KIF6: variants seen among roughly 807,000 people sequenced by gnomAD.
The protein encoded by KIF6 is kinesin-like protein KIF6.
In KIF6, 106 loss-of-function variants were observed where a neutral mutation model predicts 112.7. That is an observed-to-expected ratio of 0.94 (90% CI 0.80 to 1.11). KIF6 has a LOEUF of 1.11. KIF6 is among the 50% of genes least tolerant of loss of function. The pLI is 0.00. For synonymous variants in KIF6, 339 were observed against 339.9 expected (o/e 1.00, Z 0.03); for missense variants, 929 against 964.0 (o/e 0.96, Z 0.48).
chr6:39,456,579 T>C (rs1773125607), intron 13 of KIF6, among the ~76,000 whole-genome samples: 1 of 120,690 alleles, frequency 8.3e-6, no homozygotes, highest in Admixed American at 9.0e-5. Flanking sequence ...GACTGGCAAG[T>C]TGGATAAAGA....
chr6:39,482,459 C>T (rs1164824576), intron 13 of KIF6, among the ~76,000 whole-genome samples: 2 of 152,164 alleles, frequency 1.3e-5, no homozygotes, highest in Non-Finnish European at 2.9e-5. Context: ...GAGAATGAGG[C>T]TGAACCTGAA....
intron 13 of KIF6, among the ~76,000 whole-genome samples, chr6:39,494,031 T>C (rs146196786): frequency 1.2e-3 from 189 of 152,358 alleles, no homozygotes; most frequent in South Asian, 2.7e-3. Flanking sequence ...CTTGATATTC[T>C]TGGAAAAAAG....
At chr6:39,519,582 T>G (rs1250492910) in intron 13 of KIF6, among the ~76,000 whole-genome samples, 1 of 152,114 alleles carries the variant, frequency 6.6e-6, no homozygotes, top group African/African-American at 2.4e-5. Flanking sequence ...TCCCTCCTGG[T>G]TCCAAAACCT....
At chr6:39,402,516 T>G (rs1768782015) in intron 15 of KIF6, among the ~76,000 whole-genome samples, 1 of 152,206 alleles carries the variant, frequency 6.6e-6, no homozygotes, top group Admixed American at 6.5e-5. Context: ...GAAAATCTCC[T>G]GAGGCACATT....
At chr6:39,377,216 T>C (rs1766511195) in intron 16 of KIF6, among the ~76,000 whole-genome samples, 1 of 152,200 alleles carries the variant, frequency 6.6e-6, no homozygotes, top group African/African-American at 2.4e-5. Context: ...ACCTGGCTAA[T>C]TTTTTAATCT....
intron 15 of KIF6, among the ~76,000 whole-genome samples, chr6:39,394,825 A>G (rs1768136416): frequency 6.6e-6 from 1 of 152,240 alleles, no homozygotes; most frequent in African/African-American, 2.4e-5. Context: ...CGAGTCACAG[A>G]GAGAGGGGGA....
Position 39,362,512 on chromosome 6 carries a change from G to A in KIF6, c.1868C>T (p.Ser623Leu), listed in dbSNP as rs569573406. ...CATCAGAGGCACGGCCATGTTTTCCGAGATTCCTGTAGAAGGAAGGTGCCA... is the reference window on the plus strand; with the variant it reads ...CATCAGAGGCACGGCCATGTTTTCCAAGATTCCTGTAGAAGGAAGGTGCCA... ...RHIQQVALGI[S>L]ENMAVPLMPD... Residue 623 changes from serine (S) to leucine (L), a missense_variant, in exon 17 of 23, where the codon TCG (serine) becomes TTG (leucine). By Grantham distance (145) the Ser-to-Leu change is moderately radical. This residue lies in a region of KIF6 where 241 missense variants were observed against 301.4 expected (regional missense o/e 0.80). Coordinates refer to ENST00000287152, the MANE Select transcript of KIF6 (RefSeq NM_145027.6). 41 of 1,613,008 alleles carry A rather than the reference G, an allele frequency of 2.5e-5. No individual in the cohort carries two copies. In the East Asian group the frequency reaches 3.8e-4, roughly 15 times the overall value.
intron 16 of KIF6, among the ~76,000 whole-genome samples, chr6:39,376,611 G>C (rs1479314662): frequency 6.6e-6 from 1 of 152,226 alleles, no homozygotes; most frequent in East Asian, 1.9e-4. Flanking sequence ...CTGCGTGACA[G>C]TCACTGTGCT....
intron 15 of KIF6, among the ~76,000 whole-genome samples, chr6:39,394,043 T>C (rs1768074986): frequency 6.6e-6 from 1 of 152,180 alleles, no homozygotes; most frequent in African/African-American, 2.4e-5. Context: ...TGCACGCACA[T>C]ATGCCCTTGT....
intron 13 of KIF6, among the ~76,000 whole-genome samples, chr6:39,516,601 G>T (rs1777099505): frequency 6.6e-6 from 1 of 151,642 alleles, no homozygotes; most frequent in African/African-American, 2.4e-5. Flanking sequence ...GGGAGACTGG[G>T]GTGAGTTGTC....
chr6:39,379,899 C>T (rs1562153232), intron 16 of KIF6, among the ~76,000 whole-genome samples: 1 of 152,172 alleles, frequency 6.6e-6, no homozygotes, highest in Non-Finnish European at 1.5e-5. Flanking sequence ...TTTCCTTAAC[C>T]CCTTTGGGCC....
At chr6:39,400,602 G>A (rs10484826) in intron 15 of KIF6, among the ~76,000 whole-genome samples, 6,336 of 152,266 alleles carry the variant, frequency 0.042, 197 homozygotes, top group Non-Finnish European at 0.05. Context: ...TGCCACTTGA[G>A]ATAGTTCTTG....
intron 6 of KIF6, among the ~76,000 whole-genome samples, chr6:39,600,520 A>G (rs529030657): frequency 3.9e-5 from 6 of 152,320 alleles, no homozygotes; most frequent in African/African-American, 1.4e-4. Flanking sequence ...AGCAATGAAC[A>G]TGCTGATCCT....
chr6:39,465,596 T>A (rs1445319168), intron 13 of KIF6, among the ~76,000 whole-genome samples: 2 of 152,212 alleles, frequency 1.3e-5, no homozygotes, highest in Non-Finnish European at 2.9e-5. Context: ...TGTCTTCCTA[T>A]GCACATCAGA....
chr6:39,590,444 T>C (rs1346343994), intron 7 of KIF6, among the ~76,000 whole-genome samples: 1 of 126,870 alleles, frequency 7.9e-6, no homozygotes, highest in Non-Finnish European at 1.6e-5. Flanking sequence ...TATATATATA[T>C]ATATATATTT....
At chr6:39,496,994 C>T (rs571649914) in intron 13 of KIF6, among the ~76,000 whole-genome samples, 2 of 152,374 alleles carry the variant, frequency 1.3e-5, no homozygotes, top group East Asian at 3.9e-4. Context: ...TGATGCTTTA[C>T]AACTTTATAT....
In KIF6 at chr6:39,362,483, C is replaced by CT; in HGVS notation, c.1896dup (p.Asp633ArgfsTer19). 1.2e-6 allele frequency: 2 copies of CT among 1,614,168 alleles called. No individual in the cohort carries two copies. The highest frequency in any genetic ancestry group is 1.7e-6 in the Non-Finnish European group (2 of 1,180,016). On this transcript the variant is annotated frameshift_variant, in exon 17 of 23. Coordinates refer to ENST00000287152, the MANE Select transcript of KIF6 (RefSeq NM_145027.6). LOFTEE classifies it high-confidence loss of function. ...GATCGCAGCTTCTCCTCCTGCTGGT[C>CT]TGGCATCAGAGGCACGGCCATGTTT...
chr6:39,487,213 G>T (rs534378997), intron 13 of KIF6, among the ~76,000 whole-genome samples: 213 of 152,328 alleles, frequency 1.4e-3, no homozygotes, highest in African/African-American at 5.0e-3. Context: ...GAGGCTGTAA[G>T]TCTGACAAAC....
chr6:39,390,014 G>A (rs1448154243), intron 15 of KIF6, among the ~76,000 whole-genome samples: 3 of 111,072 alleles, frequency 2.7e-5, no homozygotes, highest in African/African-American at 3.5e-5. Flanking sequence ...CTGGGCAACA[G>A]AATGAGACTC....
Sources: gnomAD v4.1 joint callset for allele counts (sites outside exome capture counted in the v4.1 genomes callset) on GRCh38, gnomAD v4.1.1 for gene constraint, gnomAD v4.1.1 regional missense constraint, MANE v1.5 for transcripts, NCBI Gene and HGNC (gene_info 2026-07-23, HGNC 2026-07-21) for gene names.